Variants in AGBL1 observed in about 807,000 individuals in gnomAD.
The protein encoded by AGBL1 is AGBL carboxypeptidase 1.
Under a neutral mutation model 118.9 loss-of-function variants are expected in AGBL1, and 130 were observed. That is an observed-to-expected ratio of 1.09 (90% CI 0.95 to 1.26). The LOEUF is 1.26. AGBL1 is among the 50% of genes most tolerant of loss of function. The probability of loss-of-function intolerance (pLI) is 0.00; values close to 1 mark genes in which losing one functional copy is unlikely to be tolerated. For missense variants in AGBL1, 1,584 were observed against 1,298.1 expected (o/e 1.22, Z -3.38); for synonymous variants, 555 against 478.9 (o/e 1.16, Z -2.08).
chr15:86,281,269 A>G (rs2079349407), intron 16 of AGBL1, among the ~76,000 whole-genome samples: 1 of 152,168 alleles, frequency 6.6e-6, no homozygotes, highest in African/African-American at 2.4e-5. Context: ...CCATAGACCC[A>G]GCTACTTGGG....
In AGBL1 at chr15:86,915,964, A is replaced by G. The variant is rs1473851989; in HGVS notation, c.*8670A>G. The stretch of plus-strand genomic sequence containing the variant: ...CCGTTTGCGGTGCCTCCTGGTCGGT[A>G]ATTTTCCAGAAGCAATTTCTTGTTT... On this transcript the variant is annotated 3_prime_UTR_variant, in exon 23 of 23. Coordinates refer to ENST00000614907, the MANE Select transcript of AGBL1 (RefSeq NM_001386094.1). The G allele has an allele frequency of 6.6e-6, 1 of 152,154 alleles. No individual in the cohort carries two copies. Among genetic ancestry groups the G allele is most frequent in the Non-Finnish European group, 1.5e-5 (1 of 68,046 alleles). The allele number at this position is 152,154 out of a possible 1,614,324, so 9.4% of individuals were successfully genotyped here. A position where few individuals can be genotyped will look rare whatever the true frequency, so the allele number is the denominator to read the frequency against.
intron 22 of AGBL1, among the ~76,000 whole-genome samples, chr15:86,684,568 G>A (rs1163420972): frequency 6.6e-6 from 1 of 150,956 alleles, no homozygotes; most frequent in Non-Finnish European, 1.5e-5. Context: ...CAGTCCTCTT[G>A]CCTTGGCCTC....
chr15:86,383,495 G>A (rs1456419553), intron 17 of AGBL1, among the ~76,000 whole-genome samples: 1 of 152,134 alleles, frequency 6.6e-6, no homozygotes, highest in African/African-American at 2.4e-5. Flanking sequence ...GCTGAGGCAG[G>A]AGAATCTCTT....
chr15:86,897,005 TAGAC>T (rs1266651872), intron 22 of AGBL1, among the ~76,000 whole-genome samples: 4 of 152,208 alleles, frequency 2.6e-5, no homozygotes, highest in Non-Finnish European at 5.9e-5. Context: ...TCTTGCATGT[TAGAC>T]AGTGTCTTTC....
At chr15:86,895,920 A>C (rs367783900) in intron 22 of AGBL1, among the ~76,000 whole-genome samples, 284 of 151,964 alleles carry the variant, frequency 1.9e-3, no homozygotes, top group Admixed American at 3.7e-3. Flanking sequence ...TGGTTTCTAG[A>C]GTATTTCTTG....
intron 17 of AGBL1, among the ~76,000 whole-genome samples, chr15:86,328,580 C>T (rs766832417): frequency 6.6e-6 from 1 of 152,092 alleles, no homozygotes; most frequent in Non-Finnish European, 1.5e-5. Flanking sequence ...CAGGAATCCA[C>T]CAGAATCATG....
intron 22 of AGBL1, among the ~76,000 whole-genome samples, chr15:86,718,939 C>T (rs143271121): frequency 4.4e-3 from 675 of 152,206 alleles, no homozygotes; most frequent in Admixed American, 9.7e-3. Context: ...GGAATCCCTG[C>T]GTCTGGTACT....
At chr15:86,711,679 C>T (rs2086560016) in intron 22 of AGBL1, among the ~76,000 whole-genome samples, 1 of 152,166 alleles carries the variant, frequency 6.6e-6, no homozygotes, top group Non-Finnish European at 1.5e-5. Context: ...TGGTTAAGTC[C>T]AGCCTATGAC....
At chr15:86,429,463 G>A (rs2081908574) in intron 18 of AGBL1, among the ~76,000 whole-genome samples, 1 of 152,216 alleles carries the variant, frequency 6.6e-6, no homozygotes, top group Non-Finnish European at 1.5e-5. Context: ...GAGCATAATA[G>A]ACTGTCAGCC....
intron 24 of AGBL1, among the ~76,000 whole-genome samples, chr15:87,022,231 A>C (rs756735209): frequency 2.8e-4 from 42 of 152,036 alleles, no homozygotes; most frequent in Admixed American, 5.9e-4. Context: ...CAGAAAACCA[A>C]CTCTGGTAAT....
At chr15:86,351,679 T>C (rs2080628668) in intron 17 of AGBL1, among the ~76,000 whole-genome samples, 2 of 152,042 alleles carry the variant, frequency 1.3e-5, no homozygotes, top group South Asian at 2.1e-4. Flanking sequence ...ACTTGTACCC[T>C]GAATTTTTTT....
At chr15:86,433,301 G>A (rs1346855114) in intron 18 of AGBL1, among the ~76,000 whole-genome samples, 5 of 65,518 alleles carry the variant, frequency 7.6e-5, no homozygotes, top group South Asian at 5.1e-4. Context: ...TTTGCCATTG[G>A]CCACATAGTT....
intron 18 of AGBL1, among the ~76,000 whole-genome samples, chr15:86,405,581 G>A (rs1314015125): frequency 2.6e-5 from 4 of 152,034 alleles, no homozygotes; most frequent in Non-Finnish European, 5.9e-5. Context: ...GGGGAAAAGT[G>A]GCTCTCATAC....
chr15:86,751,373 TAACTC>T (rs2077849003), intron 22 of AGBL1, among the ~76,000 whole-genome samples: 1 of 152,032 alleles, frequency 6.6e-6, no homozygotes, highest in African/African-American at 2.4e-5. Context: ...TATACAAAAT[TAACTC>T]AAGACAGATT....
chr15:87,021,089 G>C (rs1471865817), intron 24 of AGBL1, among the ~76,000 whole-genome samples: 1 of 151,980 alleles, frequency 6.6e-6, no homozygotes, highest in Non-Finnish European at 1.5e-5. Flanking sequence ...ACACTACCTG[G>C]CTTCAAACTA....
intron 18 of AGBL1, among the ~76,000 whole-genome samples, chr15:86,403,410 T>A (rs1052220533): frequency 6.6e-6 from 1 of 152,080 alleles, no homozygotes; most frequent in African/African-American, 2.4e-5. Context: ...CACCAAGGTA[T>A]TAAAACATAA....
rs374182506 is a variant in AGBL1, at chr15:86,554,446, C to T, written c.2903C>T (p.Thr968Met). Reference sequence around the variant, plus strand: ...CTCGTGGAGAAATCTCGAGCTTCCACGGCCCGGGTGGTGGTGTGGAGAGAG... The same window carrying T: ...CTCGTGGAGAAATCTCGAGCTTCCATGGCCCGGGTGGTGGTGTGGAGAGAG... The part of the protein sequence containing the change: ...SFLVEKSRAS[T>M]ARVVVWREMG... The change falls in exon 21 of 23, where the codon ACG (threonine) becomes ATG (methionine). Residue 968 changes from threonine to methionine, a missense_variant. Coordinates refer to ENST00000614907, the MANE Select transcript of AGBL1 (RefSeq NM_001386094.1). 24 of 1,587,834 alleles carry T rather than the reference C, an allele frequency of 1.5e-5. No individual in the cohort carries two copies. The highest frequency in any genetic ancestry group is 2.7e-5 in the African/African-American group (2 of 74,490).
In AGBL1 at chr15:86,488,954, C is replaced by T. The variant is rs576551478; in HGVS notation, c.2556-33856C>T. Among the ~76,000 whole-genome samples, 183 of 151,958 alleles carry T rather than the reference C, an allele frequency of 1.2e-3. 1 individual carries two copies. Among genetic ancestry groups the T allele is most frequent in the Middle Eastern group, 6.8e-3 (2 of 294 alleles). The stretch of plus-strand genomic sequence containing the variant: ...TTTCTTCTGCTTGAAGTCTGGCTTT[C>T]AAGACTATCATTTTATTGTGGATTT... On this transcript the variant is annotated intron_variant, in intron 18 of 22. Transcript: ENST00000614907.
chr15:86,573,628 A>G (rs1212486581), intron 21 of AGBL1, among the ~76,000 whole-genome samples: 1 of 152,196 alleles, frequency 6.6e-6, no homozygotes, highest in Non-Finnish European at 1.5e-5. Context: ...ATAGAACTGC[A>G]TGCTAGGGTA....
Sources: gnomAD v4.1 joint callset for allele counts (sites outside exome capture counted in the v4.1 genomes callset) on GRCh38, gnomAD v4.1.1 for gene constraint, MANE v1.5 for transcripts, NCBI Gene and HGNC (gene_info 2026-07-23, HGNC 2026-07-21) for gene names.